PDZD2: variants seen among roughly 807,000 people sequenced by gnomAD.
PDZD2 encodes PDZ domain-containing protein 2.
Under a neutral mutation model 220.7 loss-of-function variants are expected in PDZD2, and 90 were observed. The ratio of observed to expected loss-of-function variants is 0.41; its 90% CI spans 0.34 to 0.49. PDZD2 has a LOEUF of 0.49. Among genes scored for constraint, PDZD2 ranks in the 20% least tolerant of loss-of-function variants. The pLI is 0.28. For synonymous variants in PDZD2, 1,375 were observed against 1,450.5 expected (o/e 0.95, Z 1.18); for missense variants, 3,174 against 3,608.5 (o/e 0.88, Z 3.08).
Position 32,091,065 on chromosome 5 carries a change from C to G in PDZD2, c.7617C>G (p.Ala2539=). The part of the protein sequence containing the change: ...VSCPEKGGNR[A]CPGGSGPKTS... ...GTCCCGAGAAGGGCGGGAACAGGGCCTGTCCAGGAGGAAGTGGCCCTAAAA... is the reference window on the plus strand; with the variant it reads ...GTCCCGAGAAGGGCGGGAACAGGGCGTGTCCAGGAGGAAGTGGCCCTAAAA... Residue 2539 remains alanine, a synonymous_variant, in exon 20 of 25, where the codon GCC becomes GCG. Transcript: ENST00000438447. The G allele has an allele frequency of 6.2e-7, 1 of 1,613,504 alleles. No individual in the cohort carries two copies. Among genetic ancestry groups the G allele is most frequent in the Non-Finnish European group, 8.5e-7 (1 of 1,179,572 alleles).
At chr5:31,738,435 A>C (rs908163755) in intron 1 of PDZD2, 9 of 152,232 alleles carry the variant, frequency 5.9e-5, no homozygotes, top group African/African-American at 2.2e-4. Flanking sequence ...GTGACACTAT[A>C]GCGCCAGTTC....
chr5:31,769,325 T>G (rs945948239), intron 1 of PDZD2, among the ~76,000 whole-genome samples: 1 of 152,258 alleles, frequency 6.6e-6, no homozygotes, highest in African/African-American at 2.4e-5. Flanking sequence ...TAGCAGGACC[T>G]GTTTCACCTC....
intron 2 of PDZD2, among the ~76,000 whole-genome samples, chr5:31,864,541 C>T (rs1405240007): frequency 6.6e-6 from 1 of 150,890 alleles, no homozygotes; most frequent in African/African-American, 2.4e-5. Flanking sequence ...TTTTTGGAGA[C>T]GGAGTTTCGC....
At position 32,067,354 on chromosome 5, in the gene PDZD2, G is replaced by T. The variant is rs969912816; in HGVS notation, c.2452-2215G>T. On this transcript the variant is annotated intron_variant, in intron 14 of 24. Coordinates refer to ENST00000438447, the MANE Select transcript of PDZD2 (RefSeq NM_178140.4). Reference sequence around the variant, plus strand: ...AACAATTGCAAATGTTGAAAGTCTAGTATTAAGAAAAACAGCAACCACTCT... The same window carrying T: ...AACAATTGCAAATGTTGAAAGTCTATTATTAAGAAAAACAGCAACCACTCT... Among the ~76,000 whole-genome samples the T allele has an allele frequency of 4.6e-5, 7 of 151,556 alleles. No homozygotes were observed. In the South Asian group the frequency reaches 1.5e-3, roughly 32 times the overall value.
At chr5:32,072,469 G>T (rs1202070851) in intron 17 of PDZD2, 152 bp downstream of exon 17, 5 of 635,674 alleles carry the variant, frequency 7.9e-6, no homozygotes, top group Non-Finnish European at 2.6e-6. Flanking sequence ...GGTGGCTCAC[G>T]CCTGTAATCC....
chr5:31,663,247 T>C (rs1019375226), intron 1 of PDZD2, among the ~76,000 whole-genome samples: 2 of 152,338 alleles, frequency 1.3e-5, no homozygotes, highest in African/African-American at 4.8e-5. Context: ...CTGATGATGA[T>C]TTCTTCCTCC....
At position 32,098,477 on chromosome 5, in the gene PDZD2, C is replaced by A. The variant is rs1450418025; in HGVS notation, c.8061C>A (p.Val2687=). ...TGGCTGGCTTAGCCCACGGGAATGT[C>A]CTGAAGGTTCTGCACCAGGCACAGC... ...ASLAGLAHGN[V]LKVLHQAQLH... is the part of the protein sequence containing the mutation. The change falls in exon 23 of 25, where the codon GTC becomes GTA. Residue 2687 remains valine (V), a synonymous_variant. Transcript: ENST00000438447. The surrounding 1 kb of genome is among the most constrained non-coding windows in gnomAD (Gnocchi z 4.1). The A allele has an allele frequency of 1.2e-6, 2 of 1,614,142 alleles. No homozygotes were observed. Among genetic ancestry groups the A allele is most frequent in the Non-Finnish European group, 1.7e-6 (2 of 1,180,024 alleles).
rs544641271 is a variant in PDZD2 at position 32,017,388 on chromosome 5, G to A, written c.1407+6906G>A. Among the ~76,000 whole-genome samples the A allele has an allele frequency of 4.4e-4, 66 of 151,698 alleles. 1 individual carries two copies. The highest frequency in any genetic ancestry group is 1.5e-3 in the African/African-American group (63 of 41,286). ...CCGGAGGCAGACGTGGCAGTGAGCC[G>A]AGATGGGTGCCACTGCACTCCAGCC... On this transcript the variant is annotated intron_variant, in intron 6 of 24. Transcript: ENST00000438447.
At chr5:31,837,709 A>G (rs1403523183) in intron 2 of PDZD2, among the ~76,000 whole-genome samples, 1 of 150,232 alleles carries the variant, frequency 6.7e-6, no homozygotes, top group Non-Finnish European at 1.5e-5. Context: ...GGGTGACAAG[A>G]GTGAGACTCC....
At chr5:31,645,130 C>T (rs1375070525) in intron 1 of PDZD2, among the ~76,000 whole-genome samples, 1 of 152,124 alleles carries the variant, frequency 6.6e-6, no homozygotes, top group Admixed American at 6.5e-5. Context: ...TCTGCAAGTC[C>T]TTGAAAGGGC....
At chr5:32,038,409 C>T (rs180852428) in intron 7 of PDZD2, among the ~76,000 whole-genome samples, 3 of 151,754 alleles carry the variant, frequency 2.0e-5, no homozygotes, top group Admixed American at 2.0e-4. Flanking sequence ...TGGTGGCGTA[C>T]ACCTGTATTC....
At chr5:31,684,892 T>C (rs1435493389) in intron 1 of PDZD2, among the ~76,000 whole-genome samples, 1 of 152,228 alleles carries the variant, frequency 6.6e-6, no homozygotes, top group Non-Finnish European at 1.5e-5. Context: ...TATCTCATTG[T>C]CTTGCTTTAT....
At position 32,007,256 on chromosome 5, in the gene PDZD2, A is replaced by G. The variant is rs992362413; in HGVS notation, c.1255-3074A>G. On this transcript the variant is annotated intron_variant, in intron 5 of 24. Transcript: ENST00000438447. ...TTAACCTCTTGGCCTCAACTGATCC[A>G]CCCGCCACAGCCTCCCAAAGTGCTG... 2.0e-5 allele frequency among the ~76,000 whole-genome samples: 3 copies of G among 149,468 alleles called. No individual in the cohort carries two copies. In the South Asian group the frequency reaches 6.4e-4, roughly 32 times the overall value.
rs773096840 is a variant in PDZD2, at chr5:32,077,446, G to C, written c.3538-16G>C. The C allele has an allele frequency of 3.1e-6, 5 of 1,612,898 alleles. No homozygotes were observed. In the South Asian group the frequency reaches 5.5e-5, roughly 18 times the overall value. On this transcript the variant is annotated splice_polypyrimidine_tract_variant and intron_variant, in intron 18 of 24. Transcript: ENST00000438447. ...TGAAAGTTATTTCAAGTGGCTTGTG[G>C]TTGTCATTGTGCCAGGAATCTCTGG...
Position 32,047,114 on chromosome 5 carries a change from A to G in PDZD2, c.1520-1425A>G, listed in dbSNP as rs532223125. 6.6e-5 allele frequency among the ~76,000 whole-genome samples: 10 copies of G among 152,302 alleles called. No homozygotes were observed. In the South Asian group the frequency reaches 1.0e-3, roughly 16 times the overall value. ...TATAAATCGATAAGAAAGACATCCAATTTTAAAATGGGCAAAAGACTTGTT... is the reference window on the plus strand; with the variant it reads ...TATAAATCGATAAGAAAGACATCCAGTTTTAAAATGGGCAAAAGACTTGTT... On this transcript the variant is annotated intron_variant, in intron 7 of 24. Coordinates refer to ENST00000438447, the MANE Select transcript of PDZD2 (RefSeq NM_178140.4).
chr5:31,968,886 G>A (rs562327757), intron 2 of PDZD2, among the ~76,000 whole-genome samples: 1 of 152,096 alleles, frequency 6.6e-6, no homozygotes, highest in Non-Finnish European at 1.5e-5. Context: ...ACAGCAGCCT[G>A]GATAGATAAA....
At chr5:31,985,444 C>T (rs1163407124) in intron 3 of PDZD2, among the ~76,000 whole-genome samples, 2 of 152,180 alleles carry the variant, frequency 1.3e-5, no homozygotes, top group African/African-American at 4.8e-5. Flanking sequence ...CCTGTAATCC[C>T]AGCACTGTGG....
rs73749474 is a variant in PDZD2, at chr5:31,701,929, C to T, written c.-361+62492C>T. The stretch of plus-strand genomic sequence containing the variant: ...CTGGAGGTTCCCTCCCTGCTTTCCC[C>T]TCCACCTCAGACATCAGGATTTGAG... On this transcript the variant is annotated intron_variant, in intron 1 of 24. Transcript: ENST00000438447. 3.1e-3 allele frequency among the ~76,000 whole-genome samples: 478 copies of T among 152,368 alleles called. 4 individuals carry two copies. Among genetic ancestry groups the T allele is most frequent in the African/African-American group, 0.011 (466 of 41,582 alleles).
Position 31,983,155 on chromosome 5 carries a change from T to C in PDZD2, c.477T>C (p.Ser159=). Residue 159 remains serine (S), a splice_region_variant and synonymous_variant, in exon 3 of 25, where the codon AGT becomes AGC. Transcript: ENST00000438447. ...ACTGGCACCTCTCTGTCTGTTGCAG[T>C]TACCTGGCTGAGCAGTGCTGGAATG... The part of the protein sequence containing the change: ...LMVGVDVSGA[S]YLAEQCWNGG... The C allele has an allele frequency of 6.2e-7, 1 of 1,610,698 alleles. No individual in the cohort carries two copies. The highest frequency in any genetic ancestry group is 8.5e-7 in the Non-Finnish European group (1 of 1,177,936).
Sources: gnomAD v4.1 joint callset for allele counts (sites outside exome capture counted in the v4.1 genomes callset) on GRCh38, gnomAD v4.1.1 for gene constraint, Gnocchi (gnomAD v3.1) non-coding constraint, MANE v1.5 for transcripts, NCBI Gene and HGNC (gene_info 2026-07-23, HGNC 2026-07-21) for gene names.